The following CA8 variants were observed in gnomAD, a reference collection of about 807,000 sequenced individuals.
CA8 encodes the protein carbonic anhydrase 8 (inactive), also known as carbonic anhydrase-related protein.
A neutral mutation model predicts 41.4 loss-of-function variants in CA8; 22 were observed. The ratio of observed to expected loss-of-function variants is 0.53; its 90% CI spans 0.38 to 0.76. CA8 has a LOEUF of 0.76. CA8 is among the 30% of genes least tolerant of loss of function. CA8 has a pLI of 0.00. For missense variants in CA8, 270 were observed against 352.8 expected (o/e 0.77, Z 1.88); for synonymous variants, 121 against 130.6 (o/e 0.93, Z 0.50).
chr8:60,259,533 A>G lies in CA8; in HGVS notation c.417+6392T>C, dbSNP rs115255353. Among the ~76,000 whole-genome samples the G allele has an allele frequency of 3.3e-3, 510 of 152,372 alleles. 1 individual carries two copies. The highest frequency in any genetic ancestry group is 0.012 in the African/African-American group (499 of 41,586). On this transcript the variant is annotated intron_variant, in intron 3 of 8. Coordinates refer to ENST00000317995, the MANE Select transcript of CA8 (RefSeq NM_004056.6). Reference sequence around the variant, plus strand: ...CTTCAAAGTGGCTTCTCAAAGGTCAAGTTGGCCTTATTCACTTCTGAGAGG... The same window carrying G: ...CTTCAAAGTGGCTTCTCAAAGGTCAGGTTGGCCTTATTCACTTCTGAGAGG...
intron 3 of CA8, among the ~76,000 whole-genome samples, chr8:60,250,824 G>A (rs1239607019): frequency 6.6e-6 from 1 of 152,020 alleles, no homozygotes; most frequent in Admixed American, 6.6e-5. Flanking sequence ...ACTGCTCTTG[G>A]TCAAATAACA....
intron 2 of CA8, among the ~76,000 whole-genome samples, chr8:60,275,839 G>A (rs1394668325): frequency 6.6e-6 from 1 of 152,066 alleles, no homozygotes; most frequent in Non-Finnish European, 1.5e-5. Context: ...GTTCCAGAAA[G>A]GAAAAAAGAG....
chr8:60,251,498 T>C (rs1268117628), intron 3 of CA8, among the ~76,000 whole-genome samples: 2 of 152,190 alleles, frequency 1.3e-5, no homozygotes, highest in African/African-American at 2.4e-5. Flanking sequence ...TTTCTCCCAA[T>C]TCCCTTTCCC....
chr8:60,211,096 T>C (rs989187297), intron 7 of CA8, among the ~76,000 whole-genome samples: 1 of 152,188 alleles, frequency 6.6e-6, no homozygotes, highest in African/African-American at 2.4e-5. Flanking sequence ...AAAGATCAAA[T>C]GACTTCACCT....
In CA8 at chr8:60,276,163, C is replaced by T. The variant is rs550651151; in HGVS notation, c.292+3526G>A. Reference sequence around the variant, plus strand: ...GAGCAACTCAAAAAAGAGGATGGCACGGCATCCAGAAAACATTCGATCTAA... The same window carrying T: ...GAGCAACTCAAAAAAGAGGATGGCATGGCATCCAGAAAACATTCGATCTAA... On this transcript the variant is annotated intron_variant, in intron 2 of 8. Coordinates refer to ENST00000317995, the MANE Select transcript of CA8 (RefSeq NM_004056.6). 5.3e-5 allele frequency among the ~76,000 whole-genome samples: 8 copies of T among 152,248 alleles called. No homozygotes were observed. In the East Asian group the frequency reaches 9.6e-4, roughly 18 times the overall value.
intron 3 of CA8, among the ~76,000 whole-genome samples, chr8:60,257,225 G>A (rs1419371224): frequency 6.6e-6 from 1 of 152,146 alleles, no homozygotes; most frequent in Non-Finnish European, 1.5e-5. Context: ...TGATCTGCCT[G>A]CCTCAGCCTC....
At chr8:60,260,439 T>C (rs1318984355) in intron 3 of CA8, among the ~76,000 whole-genome samples, 2 of 152,204 alleles carry the variant, frequency 1.3e-5, no homozygotes, top group East Asian at 3.8e-4. Context: ...AGTCCCCTTC[T>C]GAATGTGGGG....
At chr8:60,278,857 C>T (rs555060785) in intron 2 of CA8, among the ~76,000 whole-genome samples, 47 of 152,286 alleles carry the variant, frequency 3.1e-4, no homozygotes, top group African/African-American at 1.0e-3. Flanking sequence ...AATTAATTTT[C>T]GAGCACAGTC....
chr8:60,241,748 T>TA (rs551527814), intron 3 of CA8, among the ~76,000 whole-genome samples: 5,349 of 144,718 alleles, frequency 0.037, 169 homozygotes, highest in South Asian at 0.16. Context: ...TTTTATTTTC[T>TA]AAAAAAAAAA....
At chr8:60,202,163 C>T (rs1338214122) in intron 8 of CA8, among the ~76,000 whole-genome samples, 1 of 151,838 alleles carries the variant, frequency 6.6e-6, no homozygotes, top group African/African-American at 2.4e-5. Flanking sequence ...CCTGCCTCAG[C>T]CTCCTGAGTA....
chr8:60,246,906 T>TG (rs1242769005), intron 3 of CA8, among the ~76,000 whole-genome samples: 2 of 121,736 alleles, frequency 1.6e-5, no homozygotes, highest in African/African-American at 7.1e-5. Context: ...TTTTTTGAGA[T>TG]GGAGTCTTGC....
intron 3 of CA8, among the ~76,000 whole-genome samples, chr8:60,248,649 C>T (rs183048310): frequency 2.5e-3 from 382 of 152,284 alleles, no homozygotes; most frequent in African/African-American, 8.8e-3. Flanking sequence ...GTTTTGATTA[C>T]TGTAGTCTTG....
chr8:60,258,269 TTC>T (rs1251979778), intron 3 of CA8, among the ~76,000 whole-genome samples: 3 of 152,244 alleles, frequency 2.0e-5, no homozygotes, highest in African/African-American at 7.2e-5. Flanking sequence ...GTTATAATTG[TTC>T]TGTTTTAGTA....
intron 2 of CA8, among the ~76,000 whole-genome samples, chr8:60,273,298 G>A (rs1804127736): frequency 6.6e-6 from 1 of 152,190 alleles, no homozygotes; most frequent in African/African-American, 2.4e-5. Flanking sequence ...AGAGACAATG[G>A]CGGAGATCAT....
In CA8 at chr8:60,239,048, A is replaced by G. The variant is rs74940228; in HGVS notation, c.418-6669T>C. ...AAAAGGAAGAGAAAGAGGGGAGATA[A>G]CTGGGATTTCTACCAAAATCATTTT... On this transcript the variant is annotated intron_variant, in intron 3 of 8. Coordinates refer to ENST00000317995, the MANE Select transcript of CA8 (RefSeq NM_004056.6). Among the ~76,000 whole-genome samples, 550 of 152,280 alleles carry G rather than the reference A, an allele frequency of 3.6e-3. 3 individuals carry two copies. Among genetic ancestry groups the G allele is most frequent in the African/African-American group, 0.013 (532 of 41,566 alleles).
In CA8 at chr8:60,186,507, C is replaced by A. The variant is rs1805968928; in HGVS notation, c.*3514G>T. On this transcript the variant is annotated 3_prime_UTR_variant, in exon 9 of 9. Coordinates refer to ENST00000317995, the MANE Select transcript of CA8 (RefSeq NM_004056.6). Reference sequence around the variant, plus strand: ...ATAAAGGAACAACAACAAAAAGATACAAGACATGTGGAAAACAAAAAGTAA... The same window carrying A: ...ATAAAGGAACAACAACAAAAAGATAAAAGACATGTGGAAAACAAAAAGTAA... Among the ~76,000 whole-genome samples, 2 of 149,578 alleles carry A rather than the reference C, an allele frequency of 1.3e-5. No individual in the cohort carries two copies. The highest frequency in any genetic ancestry group is 6.6e-5 in the Admixed American group (1 of 15,072).
chr8:60,226,665 T>C (rs997076969), intron 5 of CA8, among the ~76,000 whole-genome samples: 5 of 152,142 alleles, frequency 3.3e-5, no homozygotes, highest in Non-Finnish European at 5.9e-5. Context: ...ACCTGGAAGC[T>C]TGTGCCTGGT....
intron 8 of CA8, among the ~76,000 whole-genome samples, chr8:60,200,825 A>G (rs1418258185): frequency 6.6e-6 from 1 of 152,226 alleles, no homozygotes; most frequent in South Asian, 2.1e-4. Context: ...AGCTGGTACA[A>G]ATCAACCAGA....
intron 3 of CA8, among the ~76,000 whole-genome samples, chr8:60,260,481 T>C (rs1372138715): frequency 6.6e-6 from 1 of 152,196 alleles, no homozygotes; most frequent in Non-Finnish European, 1.5e-5. Flanking sequence ...CTTATATCAT[T>C]AGGGGGTGCA....
Sources: allele counts gnomAD v4.1 joint callset (sites outside exome capture counted in the v4.1 genomes callset), GRCh38; gene constraint gnomAD v4.1.1; transcripts MANE v1.5; gene names NCBI Gene and HGNC (gene_info 2026-07-23, HGNC 2026-07-21).